The following SMC5 variants were observed in gnomAD, a reference collection of about 807,000 sequenced individuals.
SMC5 encodes structural maintenance of chromosomes 5, also known as structural maintenance of chromosomes protein 5.
In SMC5, 88 loss-of-function variants were observed where a neutral mutation model predicts 148.3. The ratio of observed to expected loss-of-function variants is 0.59; its 90% confidence interval spans 0.50 to 0.71. The LOEUF is 0.71. SMC5 is among the 30% of genes least tolerant of loss of function. The pLI is 0.00. For synonymous variants in SMC5, 421 were observed against 432.8 expected (o/e 0.97, Z 0.34); for missense variants, 1,142 against 1,298.9 (o/e 0.88, Z 1.86).
At position 70,350,157 on chromosome 9, in the gene SMC5, G is replaced by A. The variant is rs1396517655; in HGVS notation, c.2933G>A (p.Arg978Gln). The A allele has an allele frequency of 4.3e-6, 7 of 1,609,454 alleles. No homozygotes were observed. The highest frequency in any genetic ancestry group is 2.2e-5 in the East Asian group (1 of 44,664). The change falls in exon 23 of 25, where the codon CGA becomes CAA. Residue 978 changes from arginine to glutamine, a missense_variant. By Grantham distance (43) the Arg-to-Gln change is conservative (BLOSUM62 1). This residue lies in a region of SMC5 where 743 missense variants were observed against 835.7 expected (regional missense o/e 0.89). Coordinates refer to ENST00000361138, the MANE Select transcript of SMC5 (RefSeq NM_015110.4). ...KYGIRIRVKFRSSTQLHELTP... is the reference protein window; with the variant it reads ...KYGIRIRVKFQSSTQLHELTP... ...GGAATTCGAATTAGAGTCAAATTTC[G>A]AAGTAGTACTCAACTGCATGAATTA...
chr9:70,264,212 T>C lies in SMC5; in HGVS notation c.186-92T>C, dbSNP rs866270598. ...TTAAATTTGTAAGGTTAGCTAGTTT[T>C]TAAAGGAATTTGAGGAAGCTCATAG... On this transcript the variant is annotated intron_variant, in intron 1 of 24. Transcript: ENST00000361138. The C allele has an allele frequency of 5.8e-5, 67 of 1,155,444 alleles. No individual in the cohort carries two copies. The African/African-American group carries it at 5.9e-4, about 10-fold the overall frequency. The allele number at this position is 1,155,444 out of a possible 1,614,324, so 71.6% of individuals were successfully genotyped here.
intron 17 of SMC5, among the ~76,000 whole-genome samples, chr9:70,333,477 A>G (rs2036276333): frequency 6.6e-6 from 1 of 152,012 alleles, no homozygotes; most frequent in South Asian, 2.1e-4. Context: ...TGTCATTAAA[A>G]AGAAAGGCTT....
At chr9:70,268,141 T>A (rs1403611979) in intron 3 of SMC5, among the ~76,000 whole-genome samples, 166 bp downstream of exon 3, 1 of 152,198 alleles carries the variant, frequency 6.6e-6, no homozygotes, top group African/African-American at 2.4e-5. Context: ...TTAAAAAATA[T>A]ATTTTAAAAA....
intron 24 of SMC5, 116 bp downstream of exon 24, chr9:70,350,587 TA>T: frequency 3.3e-6 from 2 of 606,918 alleles, no homozygotes; most frequent in Non-Finnish European, 5.5e-6. Context: ...AAAAGGAATT[TA>T]AAAGGTTAAC....
At chr9:70,279,817 CAAAAA>C (rs561567100) in intron 5 of SMC5, among the ~76,000 whole-genome samples, 2 of 56,600 alleles carry the variant, frequency 3.5e-5, no homozygotes, top group Non-Finnish European at 7.3e-5. Flanking sequence ...AACTCCGTTT[CAAAAA>C]AAAAAAAAAA....
intron 8 of SMC5, among the ~76,000 whole-genome samples, chr9:70,291,279 T>TA (rs946126335): frequency 7.9e-5 from 12 of 152,334 alleles, no homozygotes; most frequent in African/African-American, 2.9e-4. Flanking sequence ...TCTGTGTATA[T>TA]ATTGGGTCAT....
chr9:70,258,992 C>T lies in SMC5; in HGVS notation c.-87C>T. 2 of 1,425,398 alleles carry T rather than the reference C, an allele frequency of 1.4e-6. No homozygotes were observed. Among genetic ancestry groups the T allele is most frequent in the African/African-American group, 1.5e-5 (1 of 68,474 alleles). The allele number at this position is 1,425,398 out of a possible 1,614,324, so 88.3% of individuals were successfully genotyped here. A position where few individuals can be genotyped will look rare whatever the true frequency, so the allele number is the denominator to read the frequency against. On this transcript the variant is annotated 5_prime_UTR_variant, in exon 1 of 25. Coordinates refer to ENST00000361138, the MANE Select transcript of SMC5 (RefSeq NM_015110.4). ...CAGTTCGCGGCAGTTCGCGCGGGAGCGGGGCGCCTGGGTGGATGGGCGCTT... is the reference window on the plus strand; with the variant it reads ...CAGTTCGCGGCAGTTCGCGCGGGAGTGGGGCGCCTGGGTGGATGGGCGCTT...
At position 70,344,219 on chromosome 9, in the gene SMC5, C is replaced by G. The variant is rs752391450; in HGVS notation, c.2473C>G (p.Gln825Glu). 5.8e-6 allele frequency: 9 copies of G among 1,553,106 alleles called. No homozygotes were observed. The Admixed American group carries it at 1.7e-4, about 29-fold the overall frequency. Residue 825 changes from glutamine to glutamate, a missense_variant, in exon 18 of 25, where the codon CAA becomes GAA. Gln to Glu is a conservative substitution (Grantham distance 29). Around this residue, in one of 5 missense-constraint regions of SMC5, gnomAD observed 743 missense variants for 835.7 expected, o/e 0.89. Transcript: ENST00000361138. ...KCKELMKRAR[Q>E]VCNLGAEQTL... ...CAAGGAACTTATGAAAAGAGCTAGG[C>G]AAGTATGTAACCTGGGTGCAGAGCA... is the stretch of plus-strand genomic sequence containing the variant.
intron 1 of SMC5, among the ~76,000 whole-genome samples, chr9:70,263,621 A>T (rs779517619): frequency 1.5e-4 from 23 of 152,210 alleles, no homozygotes; most frequent in African/African-American, 5.3e-4. Context: ...TAAAGATTAG[A>T]TGCTAACTAT....
intron 3 of SMC5, among the ~76,000 whole-genome samples, chr9:70,269,905 T>A (rs1406569915): frequency 6.6e-6 from 1 of 152,204 alleles, no homozygotes; most frequent in Non-Finnish European, 1.5e-5. Context: ...GGCAGTTTAA[T>A]TAAGTGTGGG....
At chr9:70,338,980 A>C (rs2036438072) in intron 17 of SMC5, among the ~76,000 whole-genome samples, 1 of 151,618 alleles carries the variant, frequency 6.6e-6, no homozygotes, top group African/African-American at 2.4e-5. Context: ...ACACTGTAAG[A>C]CCTTATCTCT....
Position 70,327,037 on chromosome 9 carries a change from T to A in SMC5, c.2397+2894T>A, listed in dbSNP as rs115283171. 2.9e-3 allele frequency among the ~76,000 whole-genome samples: 434 copies of A among 152,260 alleles called. 1 individual carries two copies. The highest frequency in any genetic ancestry group is 1.0e-2 in the African/African-American group (414 of 41,562). ...ATAAAAGAAGATACATAATAAAACC[T>A]TAAAGCTTTTAATTTGAATGTAAAT... is the stretch of plus-strand genomic sequence containing the variant. On this transcript the variant is annotated intron_variant, in intron 17 of 24. Coordinates refer to ENST00000361138, the MANE Select transcript of SMC5 (RefSeq NM_015110.4).
Position 70,354,413 on chromosome 9 carries a change from G to C in SMC5, c.*2082G>C, listed in dbSNP as rs2036863331. 1 of 152,124 alleles carries C rather than the reference G, an allele frequency of 6.6e-6. No individual in the cohort carries two copies. The highest frequency in any genetic ancestry group is 1.5e-5 in the Non-Finnish European group (1 of 68,056). The allele number at this position is 152,124 out of a possible 1,614,324, so 9.4% of individuals were successfully genotyped here. A position where few individuals can be genotyped will look rare whatever the true frequency, so the allele number is the denominator to read the frequency against. On this transcript the variant is annotated 3_prime_UTR_variant, in exon 25 of 25. Coordinates refer to ENST00000361138, the MANE Select transcript of SMC5 (RefSeq NM_015110.4). The stretch of plus-strand genomic sequence containing the variant: ...GCTAATTTTTTATACTTTTAGTAGA[G>C]ATGGGGTTTCAGCATATTGGCCAGG...
At chr9:70,272,538 C>T (rs1687824510) in intron 3 of SMC5, among the ~76,000 whole-genome samples, 1 of 152,014 alleles carries the variant, frequency 6.6e-6, no homozygotes, top group African/African-American at 2.4e-5. Flanking sequence ...CATAGCGAGA[C>T]TCCATCTCCA....
intron 17 of SMC5, among the ~76,000 whole-genome samples, chr9:70,337,644 A>G (rs1050155856): frequency 7.9e-5 from 12 of 151,936 alleles, no homozygotes; most frequent in Admixed American, 1.3e-4. Flanking sequence ...TTGCATTTTT[A>G]GTAGAGATCG....
At chr9:70,316,376 G>A (rs547432219) in intron 13 of SMC5, among the ~76,000 whole-genome samples, 1 of 151,710 alleles carries the variant, frequency 6.6e-6, no homozygotes, top group African/African-American at 2.4e-5. Flanking sequence ...ATTCATTTGG[G>A]GGCTCACTAT....
intron 24 of SMC5, 79 bp from the exon 25 acceptor site, chr9:70,352,112 T>G: frequency 1.6e-6 from 2 of 1,240,580 alleles, no homozygotes; most frequent in Non-Finnish European, 2.2e-6. Context: ...AATAATACAT[T>G]TGACTGTACA....
rs1449309540 is a variant in SMC5, at chr9:70,354,545, A to C, written c.*2214A>C. On this transcript the variant is annotated 3_prime_UTR_variant, in exon 25 of 25. Coordinates refer to ENST00000361138, the MANE Select transcript of SMC5 (RefSeq NM_015110.4). ...CGGCCAAAAGTTGATTTTTAATTAC[A>C]TAAAAATCGTAAAAACTTCTAGTAA... 6.6e-6 allele frequency: 1 copy of C among 152,206 alleles called. No individual in the cohort carries two copies. Among genetic ancestry groups the C allele is most frequent in the East Asian group, 1.9e-4 (1 of 5,200 alleles). The allele number at this position is 152,206 out of a possible 1,614,324, so 9.4% of individuals were successfully genotyped here.
At chr9:70,293,291 G>A (rs749864281) in intron 8 of SMC5, among the ~76,000 whole-genome samples, 40 of 151,964 alleles carry the variant, frequency 2.6e-4, no homozygotes, top group Non-Finnish European at 4.6e-4. Context: ...AGAATCTGCA[G>A]TGATAACCCT....
Sources: gnomAD v4.1 joint callset for allele counts (sites outside exome capture counted in the v4.1 genomes callset) on GRCh38, gnomAD v4.1.1 for gene constraint, gnomAD v4.1.1 regional missense constraint, MANE v1.5 for transcripts, NCBI Gene and HGNC (gene_info 2026-07-23, HGNC 2026-07-21) for gene names.